The following MEIS1 variants were observed in gnomAD, a reference collection of about 807,000 sequenced individuals.
The protein encoded by MEIS1 is homeobox protein Meis1.
MEIS1 carries 5 observed loss-of-function variants against 50.8 expected under a neutral mutation model. That is an observed-to-expected ratio of 0.10 (90% CI 0.05 to 0.21). The LOEUF is 0.21. Among genes scored for constraint, MEIS1 ranks in the 10% least tolerant of loss-of-function variants. MEIS1 has a pLI of 1.00. For missense variants in MEIS1, 318 were observed against 517.3 expected, an observed-to-expected ratio of 0.61 and a Z score of 3.74; for synonymous variants, 176 against 179.3, an observed-to-expected ratio of 0.98 and a Z score of 0.15.
intron 9 of MEIS1, among the ~76,000 whole-genome samples, chr2:66,565,995 CCTT>C (rs1558566507): frequency 6.6e-6 from 1 of 152,094 alleles, no homozygotes; most frequent in Non-Finnish European, 1.5e-5. Context: ...ATTAATCTAA[CCTT>C]CTGCTCACAT....
At chr2:66,490,548 A>G (rs1260681837) in intron 7 of MEIS1, among the ~76,000 whole-genome samples, 1 of 152,224 alleles carries the variant, frequency 6.6e-6, no homozygotes, top group African/African-American at 2.4e-5. Context: ...AAGGACCACA[A>G]ATCTGTTTGT....
At chr2:66,514,066 GT>G (rs1336885001) in intron 8 of MEIS1, among the ~76,000 whole-genome samples, 1 of 152,190 alleles carries the variant, frequency 6.6e-6, no homozygotes, top group African/African-American at 2.4e-5. Context: ...ATAAAATCAG[GT>G]TGGCCCTGAA....
chr2:66,570,034 A>G (rs1182250646), intron 12 of MEIS1: 1 of 152,134 alleles, frequency 6.6e-6, no homozygotes, highest in African/African-American at 2.4e-5. Flanking sequence ...CCCTAATAGC[A>G]CTGTTCTTGC....
intron 7 of MEIS1, among the ~76,000 whole-genome samples, chr2:66,488,155 G>A (rs891194511): frequency 6.6e-6 from 1 of 152,068 alleles, no homozygotes; most frequent in African/African-American, 2.4e-5. Context: ...AGTGATTTGT[G>A]TATTTAACTA....
intron 6 of MEIS1, among the ~76,000 whole-genome samples, chr2:66,460,023 G>A (rs1293235826): frequency 6.6e-6 from 1 of 152,180 alleles, no homozygotes; most frequent in Non-Finnish European, 1.5e-5. Flanking sequence ...AGTGATAAGA[G>A]GTCCTGACCT....
intron 8 of MEIS1, among the ~76,000 whole-genome samples, chr2:66,515,394 G>T (rs770899773): frequency 6.6e-6 from 1 of 152,054 alleles, no homozygotes; most frequent in African/African-American, 2.4e-5. Flanking sequence ...AATAGGCCCT[G>T]AATTAAAAAC....
intron 7 of MEIS1, among the ~76,000 whole-genome samples, chr2:66,499,424 G>A (rs1165072516): frequency 6.6e-6 from 1 of 151,920 alleles, no homozygotes; most frequent in Non-Finnish European, 1.5e-5. Context: ...CTGATCCTAG[G>A]ATGGACTCTC....
At chr2:66,507,923 G>A (rs531872271) in intron 7 of MEIS1, among the ~76,000 whole-genome samples, 2 of 152,360 alleles carry the variant, frequency 1.3e-5, no homozygotes, top group South Asian at 4.1e-4. Flanking sequence ...GCTCCGTAGG[G>A]ACAGGCCCAG....
chr2:66,562,341 A>C (rs1052894136), intron 9 of MEIS1, among the ~76,000 whole-genome samples: 24 of 151,770 alleles, frequency 1.6e-4, no homozygotes, highest in African/African-American at 5.8e-4. Flanking sequence ...TCAGAAAACT[A>C]TTCAGGTATC....
chr2:66,491,093 A>AGAG (rs148355668), intron 7 of MEIS1, among the ~76,000 whole-genome samples: 1 of 151,804 alleles, frequency 6.6e-6, no homozygotes, highest in African/African-American at 2.4e-5. Context: ...GGAAAAAAAA[A>AGAG]AGAGAATAAA....
At chr2:66,438,019 C>G (rs1671844828) in intron 2 of MEIS1, 56 bp downstream of exon 2, 7 of 1,415,750 alleles carry the variant, frequency 4.9e-6, no homozygotes, top group Non-Finnish European at 6.7e-6. Flanking sequence ...CCCTCTTTCT[C>G]TGTGCCCTTG....
chr2:66,571,147 C>T, intron 12 of MEIS1, 99 bp from the exon 13 acceptor site: 1 of 1,186,238 alleles, frequency 8.4e-7, no homozygotes, highest in African/African-American at 1.6e-5. Context: ...CCCTTAATCA[C>T]AGGGTTCTCT....
chr2:66,473,397 A>AATATATAT (rs1553373466), intron 7 of MEIS1, among the ~76,000 whole-genome samples: 30 of 107,552 alleles, frequency 2.8e-4, no homozygotes, highest in African/African-American at 1.2e-3. Flanking sequence ...AAAAAAAAAA[A>AATATATAT]ATATATATAT....
At chr2:66,530,791 G>A (rs1674373831) in intron 8 of MEIS1, among the ~76,000 whole-genome samples, 1 of 152,172 alleles carries the variant, frequency 6.6e-6, no homozygotes, top group South Asian at 2.1e-4. Context: ...GCCATCATAT[G>A]TAGGTTAGTG....
chr2:66,565,363 AT>A (rs1245674514), intron 9 of MEIS1, among the ~76,000 whole-genome samples: 5 of 152,122 alleles, frequency 3.3e-5, no homozygotes, highest in African/African-American at 9.7e-5. Context: ...AATTTACAAA[AT>A]GTTCACAGTC....
intron 8 of MEIS1, among the ~76,000 whole-genome samples, chr2:66,522,322 C>T (rs558148736): frequency 6.6e-6 from 1 of 152,194 alleles, no homozygotes; most frequent in African/African-American, 2.4e-5. Context: ...TACTACGTGC[C>T]CATGTTTCCT....
At chr2:66,530,349 A>C (rs1316181732) in intron 8 of MEIS1, among the ~76,000 whole-genome samples, 1 of 152,236 alleles carries the variant, frequency 6.6e-6, no homozygotes, top group Non-Finnish European at 1.5e-5. Flanking sequence ...TTCACATGTT[A>C]AAATGAAGGT....
At chr2:66,538,716 C>G (rs889740651) in intron 8 of MEIS1, among the ~76,000 whole-genome samples, 5 of 152,106 alleles carry the variant, frequency 3.3e-5, no homozygotes, top group African/African-American at 7.2e-5. Flanking sequence ...TGTCATTTAA[C>G]TCATATTTGA....
intron 9 of MEIS1, among the ~76,000 whole-genome samples, chr2:66,554,380 T>C (rs1675000201): frequency 6.6e-6 from 1 of 152,158 alleles, no homozygotes; most frequent in Non-Finnish European, 1.5e-5. Context: ...TGCAACCCGA[T>C]GGGGCAGGAC....
Sources: gnomAD v4.1 joint callset for allele counts (sites outside exome capture counted in the v4.1 genomes callset) on GRCh38, gnomAD v4.1.1 for gene constraint, MANE v1.5 for transcripts, NCBI Gene and HGNC (gene_info 2026-07-23, HGNC 2026-07-21) for gene names.